The following RB1CC1 variants were observed in gnomAD, a reference collection of about 807,000 sequenced individuals.
The protein encoded by RB1CC1 is RB1-inducible coiled-coil protein 1.
A neutral mutation model predicts 177.5 loss-of-function variants in RB1CC1; 46 were observed. The observed-to-expected ratio is 0.26, with a 90% CI of 0.20 to 0.33. The LOEUF (loss-of-function observed/expected upper bound fraction) is 0.33, where lower values mean the gene tolerates loss of function less well. Among genes scored for constraint, RB1CC1 ranks in the 10% least tolerant of loss-of-function variants. The pLI, the probability that RB1CC1 is intolerant of heterozygous loss-of-function variation, is 1.00. For synonymous variants in RB1CC1, 666 were observed against 613.6 expected, an observed-to-expected ratio of 1.09 and a Z score of -1.26; for missense variants, 1,703 against 1,816.3, an observed-to-expected ratio of 0.94 and a Z score of 1.13.
At chr8:52,644,264 T>C (rs1488115033) in intron 16 of RB1CC1, among the ~76,000 whole-genome samples, 3 of 152,074 alleles carry the variant, frequency 2.0e-5, no homozygotes, top group Admixed American at 2.0e-4. Flanking sequence ...AACATACACA[T>C]CATGGAAAAT....
intron 20 of RB1CC1, among the ~76,000 whole-genome samples, chr8:52,634,580 T>C (rs944863290): frequency 2.0e-5 from 3 of 152,052 alleles, no homozygotes; most frequent in African/African-American, 4.8e-5. Context: ...TGAGTAAATA[T>C]ATTAATCTTC....
intron 18 of RB1CC1, among the ~76,000 whole-genome samples, chr8:52,641,415 A>T (rs1382896996): frequency 6.6e-6 from 1 of 151,296 alleles, no homozygotes; most frequent in East Asian, 1.9e-4. Context: ...TTAAAATAAA[A>T]TAAAATAAAA....
intron 7 of RB1CC1, among the ~76,000 whole-genome samples, chr8:52,669,439 G>T (rs555123618): frequency 6.6e-5 from 10 of 151,972 alleles, no homozygotes; most frequent in Non-Finnish European, 1.5e-4. Context: ...CTCTACAGTC[G>T]GAAAAAACTG....
intron 1 of RB1CC1, among the ~76,000 whole-genome samples, chr8:52,710,800 T>C (rs1216772485): frequency 1.3e-5 from 2 of 152,106 alleles, no homozygotes; most frequent in Non-Finnish European, 2.9e-5. Flanking sequence ...TAAACCAAGA[T>C]TATCTATAAA....
intron 18 of RB1CC1, among the ~76,000 whole-genome samples, chr8:52,637,558 T>C (rs893172161): frequency 1.3e-5 from 2 of 152,166 alleles, no homozygotes; most frequent in Non-Finnish European, 2.9e-5. Context: ...AACTAGTTTG[T>C]TAATTACAGT....
chr8:52,624,487 G>A (rs570281613), intron 23 of RB1CC1, among the ~76,000 whole-genome samples: 14 of 151,914 alleles, frequency 9.2e-5, no homozygotes, highest in African/African-American at 1.4e-4. Context: ...CACAGACTTC[G>A]TAGTAGTTTT....
At chr8:52,648,521 G>A in intron 15 of RB1CC1, among the ~76,000 whole-genome samples, 1 of 152,210 alleles carries the variant, frequency 6.6e-6, no homozygotes, top group Middle Eastern at 3.4e-3. Flanking sequence ...GTGTAGAGGG[G>A]AGGGAGGTCA....
chr8:52,706,720 A>G (rs1160921427), intron 1 of RB1CC1, among the ~76,000 whole-genome samples: 1 of 149,814 alleles, frequency 6.7e-6, no homozygotes, highest in African/African-American at 2.5e-5. Context: ...CTACAGAACG[A>G]GACTCCCTCT....
At chr8:52,646,629 C>T (rs1850066697) in intron 15 of RB1CC1, among the ~76,000 whole-genome samples, 1 of 152,092 alleles carries the variant, frequency 6.6e-6, no homozygotes, top group Non-Finnish European at 1.5e-5. Context: ...AACTGAAAAG[C>T]GCTTACACGA....
intron 6 of RB1CC1, among the ~76,000 whole-genome samples, chr8:52,674,942 T>C (rs1321879858): frequency 6.6e-6 from 1 of 152,172 alleles, no homozygotes; most frequent in Non-Finnish European, 1.5e-5. Context: ...ATTTGATATA[T>C]TCAAAGCACA....
chr8:52,680,702 A>G (rs1853615014), intron 5 of RB1CC1, among the ~76,000 whole-genome samples: 1 of 152,240 alleles, frequency 6.6e-6, no homozygotes, highest in Admixed American at 6.5e-5. Context: ...TTCGTACAAT[A>G]GAATACAATG....
In RB1CC1 at chr8:52,704,642, CTTA is replaced by C. The variant is rs529550042; in HGVS notation, c.-167+9430_-167+9432del. ...TTATTAACTTGCAACTTTGGGAATG[CTTA>C]TTATGTACATGTACCCCTAATTTAC... On this transcript the variant is annotated intron_variant, in intron 1 of 23. Coordinates refer to ENST00000025008, the MANE Select transcript of RB1CC1 (RefSeq NM_014781.5). 5.3e-5 allele frequency among the ~76,000 whole-genome samples: 8 copies of C among 152,152 alleles called. No homozygotes were observed. The South Asian group carries it at 1.7e-3, about 32-fold the overall frequency.
intron 5 of RB1CC1, among the ~76,000 whole-genome samples, chr8:52,677,746 T>C (rs1349676652): frequency 1.3e-5 from 2 of 152,188 alleles, no homozygotes; most frequent in Non-Finnish European, 2.9e-5. Context: ...ATGTGCCATG[T>C]CAATTAATGT....
In RB1CC1 at chr8:52,657,632, T is replaced by A. The variant is rs1306095765; in HGVS notation, c.2197A>T (p.Met733Leu). The change falls in exon 15 of 24, where the codon ATG (methionine) becomes TTG (leucine). Residue 733 changes from methionine (M) to leucine (L), a missense_variant. Met to Leu is a conservative substitution (Grantham distance 15). Around this residue, in one of 6 missense-constraint regions of RB1CC1, gnomAD observed 1,169 missense variants for 1,184.7 expected, o/e 0.99. Transcript: ENST00000025008. Reference sequence around the variant, plus strand: ...ATTACAAACTCATTCACAGCAGACATAAAATCTGATTCAGGACTTTCTGCT... The same window carrying A: ...ATTACAAACTCATTCACAGCAGACAAAAAATCTGATTCAGGACTTTCTGCT... ...SLAESPESDF[M>L]SAVNEFVIEE... is the part of the protein sequence containing the mutation. The A allele has an allele frequency of 1.2e-6, 2 of 1,614,128 alleles. No individual in the cohort carries two copies. Among genetic ancestry groups the A allele is most frequent in the East Asian group, 2.2e-5 (1 of 44,846 alleles).
chr8:52,680,995 T>TGTGTGTG (rs371708265), intron 5 of RB1CC1, among the ~76,000 whole-genome samples: 3 of 82,650 alleles, frequency 3.6e-5, no homozygotes, highest in Non-Finnish European at 6.9e-5. Flanking sequence ...TGTGTGTGTG[T>TGTGTGTG]TTTTTTTTTT....
chr8:52,642,520 T>A lies in RB1CC1; in HGVS notation c.4168A>T (p.Ser1390Cys). 1.2e-6 allele frequency: 2 copies of A among 1,614,118 alleles called. No individual in the cohort carries two copies. The highest frequency in any genetic ancestry group is 1.7e-6 in the Non-Finnish European group (2 of 1,179,988). The change falls in exon 18 of 24, where the codon AGT becomes TGT. Residue 1390 changes from serine (S) to cysteine (C), a missense_variant. This residue lies in a region of RB1CC1 where 1,169 missense variants were observed against 1,184.7 expected (regional missense o/e 0.99). Transcript: ENST00000025008. ...EEKKKLEEEV[S>C]KLRSSSFVPS... ...ACAAAACTGCTACTACGCAACTTAC[T>A]GACTTCTTCTTCAAGCTTTTTCTTT...
chr8:52,705,552 T>C (rs894649424), intron 1 of RB1CC1, among the ~76,000 whole-genome samples: 1 of 152,202 alleles, frequency 6.6e-6, no homozygotes, highest in Non-Finnish European at 1.5e-5. Context: ...TGTATCAAAA[T>C]TTAAAATGTA....
chr8:52,674,137 G>T lies in RB1CC1; in HGVS notation c.710C>A (p.Ser237Tyr). 1 of 1,614,064 alleles carries T rather than the reference G, an allele frequency of 6.2e-7. No individual in the cohort carries two copies. Among genetic ancestry groups the T allele is most frequent in the Non-Finnish European group, 8.5e-7 (1 of 1,179,970 alleles). Residue 237 changes from serine (S) to tyrosine (Y), a missense_variant, in exon 7 of 24, where the codon TCC becomes TAC. By Grantham distance (144) the Ser-to-Tyr change is moderately radical. This residue lies in a region of RB1CC1 where 315 missense variants were observed against 304.9 expected (regional missense o/e 1.03). Coordinates refer to ENST00000025008, the MANE Select transcript of RB1CC1 (RefSeq NM_014781.5). ...EDSEKAEMKR[S>Y]TELVLSPDMP... ...ATCAGGAGAGAGCACCAGTTCAGTG[G>T]ATCTTTTCATCTCAGCTTTTTCTGA...
intron 1 of RB1CC1, among the ~76,000 whole-genome samples, chr8:52,713,220 A>C (rs1857202087): frequency 6.6e-6 from 1 of 152,220 alleles, no homozygotes; most frequent in African/African-American, 2.4e-5. Flanking sequence ...ACTCTTTATC[A>C]ACAGTGAGCA....
Sources: allele counts gnomAD v4.1 joint callset (sites outside exome capture counted in the v4.1 genomes callset), GRCh38; gene constraint gnomAD v4.1.1; regional missense constraint gnomAD v4.1.1; transcripts MANE v1.5; gene names NCBI Gene and HGNC (gene_info 2026-07-23, HGNC 2026-07-21).